Variants in FAM167A observed in about 807,000 individuals in gnomAD.
The protein encoded by FAM167A is family with sequence similarity 167 member A.
A neutral mutation model predicts 14.9 loss-of-function variants in FAM167A; 23 were observed. The observed-to-expected ratio is 1.55, with a 90% CI of 1.11 to 2.19. FAM167A has a LOEUF of 2.19. Among genes scored for constraint, FAM167A ranks in the 30% most tolerant of loss-of-function variants. The pLI is 0.00. For synonymous variants in FAM167A, 174 were observed against 117.7 expected, an observed-to-expected ratio of 1.48 and a Z score of -3.10; for missense variants, 401 against 281.5, an observed-to-expected ratio of 1.42 and a Z score of -3.04.
At chr8:11,453,105 TCTC>T (rs1367326169) in intron 1 of FAM167A, among the ~76,000 whole-genome samples, 4 of 152,196 alleles carry the variant, frequency 2.6e-5, no homozygotes, top group African/African-American at 9.7e-5. Context: ...CCAGGCTTCC[TCTC>T]CTCTGTCCTG....
At chr8:11,438,883 C>T (rs1232177835) in intron 2 of FAM167A, among the ~76,000 whole-genome samples, 2 of 152,224 alleles carry the variant, frequency 1.3e-5, no homozygotes, top group Admixed American at 6.5e-5. Context: ...CTGATGGCTC[C>T]GAGCAACTTG....
chr8:11,444,151 C>T lies in FAM167A; in HGVS notation c.261G>A (p.Glu87=), dbSNP rs747561326. The change falls in exon 2 of 3, where the codon GAG becomes GAA. Residue 87 remains glutamate, a synonymous_variant. Coordinates refer to ENST00000284486, the MANE Select transcript of FAM167A (RefSeq NM_053279.3). The part of the protein sequence containing the change: ...GGQEPLLPLR[E]AGQHPPSARS... The stretch of plus-strand genomic sequence containing the variant: ...TGGCAGAAGGGGGGTGCTGCCCAGC[C>T]TCTCTCAGGGGGAGCAAGGGCTCCT... 4.8e-5 allele frequency: 78 copies of T among 1,613,052 alleles called. No homozygotes were observed. In the Middle Eastern group the frequency reaches 1.8e-3, roughly 37 times the overall value.
intron 2 of FAM167A, among the ~76,000 whole-genome samples, chr8:11,441,790 G>A (rs1806455241): frequency 6.6e-6 from 1 of 152,210 alleles, no homozygotes; most frequent in African/African-American, 2.4e-5. Flanking sequence ...CACGGAATGA[G>A]GCTGCAACTC....
upstream of FAM167A, among the ~76,000 whole-genome samples, chr8:11,470,414 C>T (rs953041901): frequency 2.0e-5 from 3 of 152,122 alleles, no homozygotes; most frequent in African/African-American, 7.2e-5. Context: ...GGCCAGAATG[C>T]AGCAGGCAGG....
intron 2 of FAM167A, among the ~76,000 whole-genome samples, chr8:11,431,597 C>A (rs1805594796): frequency 6.6e-6 from 1 of 152,218 alleles, no homozygotes; most frequent in Non-Finnish European, 1.5e-5. Flanking sequence ...TCAGTTCAAT[C>A]CAGTTTGCCC....
In FAM167A at chr8:11,475,365, T is replaced by C. The variant is rs146690817; in HGVS notation, c.-398+501A>G. 2.6e-4 allele frequency among the ~76,000 whole-genome samples: 39 copies of C among 152,284 alleles called. 1 individual carries two copies. The East Asian group carries it at 5.0e-3, about 20-fold the overall frequency. ...AAGAGGAAAAACGATCTGTTGGCAATTGCAAATACTTTAGAGTGTCTGCAT... is the reference window on the plus strand; with the variant it reads ...AAGAGGAAAAACGATCTGTTGGCAACTGCAAATACTTTAGAGTGTCTGCAT... On this transcript the variant is annotated intron_variant, in intron 1 of 1. Transcript: ENST00000648766.
rs909141407 is a variant in FAM167A at position 11,423,976 on chromosome 8, T to C, written c.*397A>G. The C allele has an allele frequency of 1.4e-5, 3 of 212,334 alleles. No individual in the cohort carries two copies. Among genetic ancestry groups the C allele is most frequent in the Middle Eastern group, 1.7e-3 (1 of 574 alleles). The allele number at this position is 212,334 out of a possible 1,614,324, so 13.2% of individuals were successfully genotyped here. A position where few individuals can be genotyped will look rare whatever the true frequency, so the allele number is the denominator to read the frequency against. ...ACATGCCTAATTTCCCCCAAGGCCC[T>C]TGCGGGACAGCCTTCTGCAAAAATG... On this transcript the variant is annotated 3_prime_UTR_variant, in exon 3 of 3. Transcript: ENST00000284486.
At chr8:11,470,545 C>G (rs1209646626), upstream of FAM167A, among the ~76,000 whole-genome samples, 1 of 152,188 alleles carries the variant, frequency 6.6e-6, no homozygotes. Flanking sequence ...TCCAAATGCA[C>G]AGCTGGAACC....
rs530553932 is a variant in FAM167A, at chr8:11,456,047, G to GGA, written c.-398+10578_-398+10579insTC. On this transcript the variant is annotated intron_variant, in intron 1 of 2. Transcript: ENST00000284486. ...CCTGCTGGGTATGAGTGTGAGTGTGGGGTGGTTGCCTTGCTGTGTGTGAGT... is the reference window on the plus strand; with the variant it reads ...CCTGCTGGGTATGAGTGTGAGTGTGGGAGGTGGTTGCCTTGCTGTGTGTGAGT... Among the ~76,000 whole-genome samples the GGA allele has an allele frequency of 6.1e-5, 9 of 147,418 alleles. No homozygotes were observed. The South Asian group carries it at 1.3e-3, about 22-fold the overall frequency.
chr8:11,445,166 G>A lies in FAM167A; in HGVS notation c.-397-358C>T, dbSNP rs867987898. 2.3e-5 allele frequency: 23 copies of A among 985,146 alleles called. No homozygotes were observed. The Middle Eastern group carries it at 1.5e-3, about 66-fold the overall frequency. 61.0% of individuals were successfully genotyped at this position (985,146 alleles called of 1,614,324 possible). A position where few individuals can be genotyped will look rare whatever the true frequency, so the allele number is the denominator to read the frequency against. ...ACTCACCGAGATCTCCCAGCAATAA[G>A]TTGTGGGGACAAGCTCAGGCTGTCT... On this transcript the variant is annotated intron_variant, in intron 1 of 2. Coordinates refer to ENST00000284486, the MANE Select transcript of FAM167A (RefSeq NM_053279.3).
intron 2 of FAM167A, among the ~76,000 whole-genome samples, chr8:11,433,282 T>C (rs1805747334): frequency 6.6e-6 from 1 of 152,186 alleles, no homozygotes; most frequent in African/African-American, 2.4e-5. Flanking sequence ...ATGAAGGTGT[T>C]ACCTTTAACC....
chr8:11,428,511 C>T lies in FAM167A; in HGVS notation c.382-3875G>A, dbSNP rs528336406. On this transcript the variant is annotated intron_variant, in intron 2 of 2. Transcript: ENST00000284486. ...CTTCAACAGGGATGGTGATTCCGGC[C>T]GGTCTCCCTGCTTGCGCTCTGAGAG... Among the ~76,000 whole-genome samples, 14 of 152,304 alleles carry T rather than the reference C, an allele frequency of 9.2e-5. No individual in the cohort carries two copies. The South Asian group carries it at 1.2e-3, about 14-fold the overall frequency.
In FAM167A at chr8:11,456,206, T is replaced by C. The variant is rs1464943670; in HGVS notation, c.-398+10420A>G. ...TGTGTGAATGTGGGGGGTGGTTGCC[T>C]TGCTGTGTGAGTGTGAGTGAGTGTG... On this transcript the variant is annotated intron_variant, in intron 1 of 2. Coordinates refer to ENST00000284486, the MANE Select transcript of FAM167A (RefSeq NM_053279.3). Among the ~76,000 whole-genome samples the C allele has an allele frequency of 4.1e-4, 10 of 24,204 alleles. 1 individual carries two copies. The highest frequency in any genetic ancestry group is 1.1e-3 in the Admixed American group (2 of 1,754). 15.9% of individuals were successfully genotyped at this position (24,204 alleles called of 152,430 possible). A position where few individuals can be genotyped will look rare whatever the true frequency, so the allele number is the denominator to read the frequency against.
intron 2 of FAM167A, among the ~76,000 whole-genome samples, chr8:11,437,439 G>A (rs1189272156): frequency 1.3e-5 from 2 of 152,154 alleles, no homozygotes; most frequent in Admixed American, 6.5e-5. Context: ...GCCAAGTAGG[G>A]ATTTATCATT....
chr8:11,470,156 T>C (rs1237104201), upstream of FAM167A, among the ~76,000 whole-genome samples: 1 of 152,110 alleles, frequency 6.6e-6, no homozygotes. Flanking sequence ...TTGTGAGTGA[T>C]AGAAAAACAG....
intron 2 of FAM167A, among the ~76,000 whole-genome samples, chr8:11,427,085 G>T (rs935648563): frequency 1.8e-4 from 28 of 152,204 alleles, no homozygotes; most frequent in African/African-American, 6.8e-4. Flanking sequence ...TGTCTTTGCA[G>T]CTATCTTATC....
chr8:11,435,913 C>T (rs983031971), intron 2 of FAM167A, among the ~76,000 whole-genome samples: 3 of 152,210 alleles, frequency 2.0e-5, no homozygotes, highest in African/African-American at 4.8e-5. Context: ...CACCATATCC[C>T]GTCTTCATAC....
chr8:11,424,456 A>G lies in FAM167A; in HGVS notation c.562T>C (p.Ser188Pro). 6.2e-7 allele frequency: 1 copy of G among 1,613,884 alleles called. No homozygotes were observed. Among genetic ancestry groups the G allele is most frequent in the Non-Finnish European group, 8.5e-7 (1 of 1,179,954 alleles). Residue 188 changes from serine to proline, a missense_variant, in exon 3 of 3, where the codon TCC (serine) becomes CCC (proline). Coordinates refer to ENST00000284486, the MANE Select transcript of FAM167A (RefSeq NM_053279.3). ...ADLFCDSPLA[S>P]SFSLSTPLKL... ...AGTGGTGTGGAGAGGCTGAAGGAGG[A>G]GGCAAGAGGGGAGTCACAGAAGAGG... is the stretch of plus-strand genomic sequence containing the variant.
intron 1 of FAM167A, among the ~76,000 whole-genome samples, chr8:11,460,451 A>G (rs1226270137): frequency 2.0e-5 from 3 of 152,094 alleles, no homozygotes; most frequent in Non-Finnish European, 4.4e-5. Flanking sequence ...TGGGACCACC[A>G]TGTCATGGAG....
Sources: gnomAD v4.1 joint callset for allele counts (sites outside exome capture counted in the v4.1 genomes callset) on GRCh38, gnomAD v4.1.1 for gene constraint, MANE v1.5 for transcripts, NCBI Gene and HGNC (gene_info 2026-07-23, HGNC 2026-07-21) for gene names.